Variants in MAPRE3 observed in about 807,000 individuals in gnomAD.
MAPRE3 encodes the protein microtubule associated protein RP/EB family member 3, also known as microtubule-associated protein RP/EB family member 3.
MAPRE3 carries 2 observed loss-of-function variants against 30.5 expected under a neutral mutation model. The ratio of observed to expected loss-of-function variants is 0.07; its 90% CI spans 0.03 to 0.21. The LOEUF (loss-of-function observed/expected upper bound fraction) is 0.21, where lower values mean the gene tolerates loss of function less well. Among genes scored for constraint, MAPRE3 ranks in the 10% least tolerant of loss-of-function variants. The probability of loss-of-function intolerance (pLI) is 1.00; values close to 1 mark genes in which losing one functional copy is unlikely to be tolerated. For missense variants in MAPRE3, 204 were observed against 351.8 expected, an observed-to-expected ratio of 0.58 and a Z score of 3.36; for synonymous variants, 110 against 127.7, an observed-to-expected ratio of 0.86 and a Z score of 0.93.
intron 1 of MAPRE3, among the ~76,000 whole-genome samples, chr2:26,983,477 C>T (rs1666158649): frequency 6.6e-6 from 1 of 152,136 alleles, no homozygotes; most frequent in Admixed American, 6.5e-5. Flanking sequence ...CGTGGCTGTC[C>T]CAGGATGTGT....
At chr2:27,023,502 C>A (rs529654148) in intron 3 of MAPRE3, 25 bp downstream of exon 3, 6 of 1,612,890 alleles carry the variant, frequency 3.7e-6, no homozygotes, top group Non-Finnish European at 4.2e-6. Context: ...TCTGGGGGGC[C>A]CTGAGGAGCA....
chr2:27,007,300 A>T (rs1336173266), intron 1 of MAPRE3, among the ~76,000 whole-genome samples: 1 of 152,212 alleles, frequency 6.6e-6, no homozygotes, highest in Non-Finnish European at 1.5e-5. Context: ...TAGAATCCCA[A>T]GGAAGAAGTT....
intron 4 of MAPRE3, 64 bp from the exon 5 acceptor site, chr2:27,025,519 G>C: frequency 2.7e-6 from 4 of 1,496,274 alleles, no homozygotes; most frequent in Non-Finnish European, 2.7e-6. Context: ...CTCACACCAG[G>C]CTGTCTCCTG....
chr2:26,973,830 C>T (rs1432089488), intron 1 of MAPRE3, among the ~76,000 whole-genome samples: 1 of 152,226 alleles, frequency 6.6e-6, no homozygotes, highest in Non-Finnish European at 1.5e-5. Context: ...GCTGGGACTA[C>T]AGGCGTGAGC....
intron 1 of MAPRE3, among the ~76,000 whole-genome samples, chr2:27,001,345 T>C (rs1572757337): frequency 6.6e-6 from 1 of 152,208 alleles, no homozygotes; most frequent in South Asian, 2.1e-4. Flanking sequence ...AGTATTTGGG[T>C]ATCTAAATAT....
chr2:26,995,302 G>T (rs1280942409), intron 1 of MAPRE3, among the ~76,000 whole-genome samples: 1 of 152,122 alleles, frequency 6.6e-6, no homozygotes, highest in Non-Finnish European at 1.5e-5. Flanking sequence ...TGGTTTTGCT[G>T]CAGTCCTATT....
intron 1 of MAPRE3, among the ~76,000 whole-genome samples, chr2:27,006,671 C>T (rs1192940667): frequency 6.6e-6 from 1 of 152,086 alleles, no homozygotes; most frequent in African/African-American, 2.4e-5. Flanking sequence ...TGACCTCAAG[C>T]AGTCCTCCCG....
chr2:27,023,360 G>T lies in MAPRE3; in HGVS notation c.150G>T (p.Met50Ile). 6.2e-7 allele frequency: 1 copy of T among 1,608,722 alleles called. No homozygotes were observed. Among genetic ancestry groups the T allele is most frequent in the Non-Finnish European group, 8.5e-7 (1 of 1,175,324 alleles). The change falls in exon 3 of 7, where the codon ATG becomes ATT. Residue 50 changes from methionine to isoleucine, a missense_variant. Transcript: ENST00000233121. ...CAGCCTACTGCCAGTTCATGGACAT[G>T]CTCTTCCCCGGCTGTGTGCACTTGA... ...SGAAYCQFMD[M>I]LFPGCVHLRK...
chr2:27,002,463 A>C (rs1666620666), intron 1 of MAPRE3, among the ~76,000 whole-genome samples: 1 of 150,802 alleles, frequency 6.6e-6, no homozygotes, highest in Admixed American at 6.6e-5. Context: ...TGGCTGTACT[A>C]AACTATATTC....
chr2:27,000,222 A>G (rs1290607059), intron 1 of MAPRE3, among the ~76,000 whole-genome samples: 1 of 152,200 alleles, frequency 6.6e-6, no homozygotes, highest in Non-Finnish European at 1.5e-5. Context: ...AGTAATATCA[A>G]GTAAGTACTG....
chr2:26,996,772 A>T (rs966245917), intron 1 of MAPRE3: 1 of 152,198 alleles, frequency 6.6e-6, no homozygotes, highest in Admixed American at 6.5e-5. Context: ...ACACCTCTGC[A>T]TTCCAACCTG....
At chr2:26,975,873 A>G (rs897374262) in intron 1 of MAPRE3, among the ~76,000 whole-genome samples, 1 of 152,126 alleles carries the variant, frequency 6.6e-6, no homozygotes, top group Non-Finnish European at 1.5e-5. Context: ...TGAGGGCAGG[A>G]CCCTCCAAAG....
intron 1 of MAPRE3, among the ~76,000 whole-genome samples, chr2:27,018,061 A>T (rs911597882): frequency 1.3e-5 from 2 of 152,196 alleles, no homozygotes; most frequent in Non-Finnish European, 2.9e-5. Context: ...AAACTGGAGG[A>T]TATATTTGGA....
At chr2:27,024,024 G>A (rs973976054) in intron 3 of MAPRE3, 72 bp from the exon 4 acceptor site, 4 of 1,190,774 alleles carry the variant, frequency 3.4e-6, no homozygotes, top group Admixed American at 3.5e-5. Context: ...TGAGAGCAGT[G>A]GCCCTCAGCA....
In MAPRE3 at chr2:26,986,180, C is replaced by A. The variant is rs1666214702; in HGVS notation, c.-8+15378C>A. Among the ~76,000 whole-genome samples, 1 of 152,186 alleles carries A rather than the reference C, an allele frequency of 6.6e-6. No individual in the cohort carries two copies. The highest frequency in any genetic ancestry group is 2.1e-4 in the South Asian group (1 of 4,828). On this transcript the variant is annotated intron_variant, in intron 1 of 6. Transcript: ENST00000233121. This position sits in a 1 kb window ranked among gnomAD's most constrained non-coding sequence, Gnocchi z 4.2. The stretch of plus-strand genomic sequence containing the variant: ...CATTCACTGGCTCCTGGCAGCGCAT[C>A]ACTCTGCTTCCATCATCACTGTTCT...
At chr2:27,014,360 G>A (rs1223852664) in intron 1 of MAPRE3, 1 of 152,236 alleles carries the variant, frequency 6.6e-6, no homozygotes, top group African/African-American at 2.4e-5. Context: ...CCTGGGGAGA[G>A]CCTTAGTAAG....
chr2:27,025,856 G>A, intron 5 of MAPRE3, 24 bp from the exon 6 acceptor site: 1 of 1,614,110 alleles, frequency 6.2e-7, no homozygotes, highest in Admixed American at 1.7e-5. Context: ...CCTCTGGCTT[G>A]AACATCACTT....
chr2:26,988,593 A>G (rs574540853), intron 1 of MAPRE3, among the ~76,000 whole-genome samples: 26 of 152,352 alleles, frequency 1.7e-4, no homozygotes, highest in Non-Finnish European at 3.8e-4. Context: ...CTTAATAGTC[A>G]GTCCACTGAC....
At chr2:26,987,929 A>G (rs1041393510) in intron 1 of MAPRE3, among the ~76,000 whole-genome samples, 3 of 152,242 alleles carry the variant, frequency 2.0e-5, no homozygotes, top group African/African-American at 4.8e-5. Context: ...TCTTCTTTTC[A>G]TAACACAAAG....
Sources: allele counts gnomAD v4.1 joint callset (sites outside exome capture counted in the v4.1 genomes callset), GRCh38; gene constraint gnomAD v4.1.1; non-coding constraint Gnocchi (gnomAD v3.1); transcripts MANE v1.5; gene names NCBI Gene and HGNC (gene_info 2026-07-23, HGNC 2026-07-21).